Variants in ATP11B observed in about 807,000 individuals in gnomAD.
The protein encoded by ATP11B is phospholipid-transporting ATPase IF.
Under a neutral mutation model 157.8 loss-of-function variants are expected in ATP11B, and 81 were observed. That is an observed-to-expected ratio of 0.51 (90% confidence interval 0.43 to 0.62). The LOEUF is 0.62. Ranked by LOEUF, ATP11B falls within the 20% of genes least tolerant of loss-of-function variation. The pLI, the probability that ATP11B is intolerant of heterozygous loss-of-function variation, is 0.00. For synonymous variants in ATP11B, 451 were observed against 469.4 expected (o/e 0.96, Z 0.51); for missense variants, 1,165 against 1,402.2 (o/e 0.83, Z 2.70).
intron 12 of ATP11B, among the ~76,000 whole-genome samples, chr3:182,860,064 C>G (rs1373119095): frequency 6.6e-6 from 1 of 151,958 alleles, no homozygotes; most frequent in Non-Finnish European, 1.5e-5. Context: ...CTTCACTTTA[C>G]CATCACCCTG....
chr3:182,848,583 A>G (rs375232676), intron 10 of ATP11B, 26 bp downstream of exon 10: 10 of 1,326,152 alleles, frequency 7.5e-6, no homozygotes, highest in South Asian at 3.1e-5. Flanking sequence ...TCATTTATTT[A>G]TATGTAATTA....
intron 1 of ATP11B, among the ~76,000 whole-genome samples, chr3:182,815,315 T>C (rs73883903): frequency 0.035 from 5,298 of 152,300 alleles, 316 homozygotes; most frequent in African/African-American, 0.12. Context: ...CTTAGTCTGG[T>C]CTGTTAACAG....
At chr3:182,907,843 C>CTTTA (rs1724482297) in intron 28 of ATP11B, among the ~76,000 whole-genome samples, 1 of 152,186 alleles carries the variant, frequency 6.6e-6, no homozygotes, top group Non-Finnish European at 1.5e-5. Flanking sequence ...TACTGCTTTG[C>CTTTA]TTTAATATGT....
rs1436920379 is a variant in ATP11B at position 182,841,986 on chromosome 3, A to AC, written c.657-89_657-88insC. Reference sequence around the variant, plus strand: ...AGAGCAAGACTCGTCTCAAAAAAAAAAAAAAAAAAAACAAAGGATGGTGCA... The same window carrying AC: ...AGAGCAAGACTCGTCTCAAAAAAAAACAAAAAAAAAAACAAAGGATGGTGCA... On this transcript the variant is annotated intron_variant, in intron 7 of 29. Transcript: ENST00000323116. 1.0e-3 allele frequency: 858 copies of AC among 838,176 alleles called. 2 individuals carry two copies. Among genetic ancestry groups the AC allele is most frequent in the Non-Finnish European group, 1.4e-3 (742 of 536,504 alleles). 51.9% of individuals were successfully genotyped at this position (838,176 alleles called of 1,614,324 possible). A position where few individuals can be genotyped will look rare whatever the true frequency, so the allele number is the denominator to read the frequency against.
rs36119278 is a variant in ATP11B at position 182,889,491 on chromosome 3, C to CT, written c.2931dup (p.Gly978TrpfsTer110). ...TGGGCTTCAGTCATGCCTTTATTTT[C>CT]TTTTTTGGATCCTATTTACTAATAG... On this transcript the variant is annotated frameshift_variant, in exon 25 of 30. Coordinates refer to ENST00000323116, the MANE Select transcript of ATP11B (RefSeq NM_014616.3). LOFTEE classifies it high-confidence loss of function. 6.4e-7 allele frequency: 1 copy of CT among 1,570,442 alleles called. No individual in the cohort carries two copies. Among genetic ancestry groups the CT allele is most frequent in the Non-Finnish European group, 8.6e-7 (1 of 1,165,208 alleles).
intron 28 of ATP11B, among the ~76,000 whole-genome samples, chr3:182,909,436 G>T (rs1268392947): frequency 6.6e-6 from 1 of 152,126 alleles, no homozygotes; most frequent in African/African-American, 2.4e-5. Flanking sequence ...GGTACCACTA[G>T]GTGGGGTCTC....
At chr3:182,847,819 G>A (rs1361613330) in intron 9 of ATP11B, among the ~76,000 whole-genome samples, 1 of 152,216 alleles carries the variant, frequency 6.6e-6, no homozygotes, top group African/African-American at 2.4e-5. Flanking sequence ...ATAAGTGGCA[G>A]AGCTAGAATT....
chr3:182,828,191 T>A lies in ATP11B; in HGVS notation c.216T>A (p.Leu72=). The A allele has an allele frequency of 1.3e-6, 2 of 1,492,064 alleles. No homozygotes were observed. Among genetic ancestry groups the A allele is most frequent in the Non-Finnish European group, 1.8e-6 (2 of 1,103,092 alleles). 92.4% of individuals were successfully genotyped at this position (1,492,064 alleles called of 1,614,324 possible). The part of the protein sequence containing the change: ...QFRRVANFYF[L]IIFLVQLMID... ...GAAGAGTGGCAAACTTTTATTTTCT[T>A]ATTATATTTTTGGTTCAGGTAAGCT... The change falls in exon 3 of 30, where the codon CTT becomes CTA. Residue 72 remains leucine, a synonymous_variant. Coordinates refer to ENST00000323116, the MANE Select transcript of ATP11B (RefSeq NM_014616.3).
chr3:182,869,435 G>A (rs950706911), intron 17 of ATP11B, 104 bp downstream of exon 17: 8 of 775,954 alleles, frequency 1.0e-5, no homozygotes, highest in Admixed American at 3.0e-5. Flanking sequence ...ACATTCTGCA[G>A]TTGTGTTACA....
chr3:182,851,384 A>G (rs1719967226), intron 10 of ATP11B, among the ~76,000 whole-genome samples: 1 of 152,146 alleles, frequency 6.6e-6, no homozygotes, highest in Non-Finnish European at 1.5e-5. Flanking sequence ...CATTGCCTTC[A>G]GCTCACATCT....
At chr3:182,914,622 T>C (rs1725021417) in intron 29 of ATP11B, 5 of 985,272 alleles carry the variant, frequency 5.1e-6, no homozygotes, top group African/African-American at 1.7e-5. Context: ...TTTTAAATTA[T>C]GGAGTAAAAG....
At chr3:182,836,007 T>C in intron 4 of ATP11B, 28 bp from the exon 5 acceptor site, 1 of 1,551,362 alleles carries the variant, frequency 6.4e-7, no homozygotes, top group Non-Finnish European at 8.7e-7. Context: ...TACTGAAAAA[T>C]TATTTTTTAC....
At chr3:182,851,567 A>G (rs1302552301) in intron 10 of ATP11B, among the ~76,000 whole-genome samples, 1 of 152,238 alleles carries the variant, frequency 6.6e-6, no homozygotes, top group Non-Finnish European at 1.5e-5. Context: ...CTTACATTTT[A>G]CATGAAATAA....
intron 24 of ATP11B, among the ~76,000 whole-genome samples, chr3:182,888,185 G>C (rs1234941822): frequency 6.6e-6 from 1 of 152,188 alleles, no homozygotes. Flanking sequence ...ATTGGGACCT[G>C]TTCCTCAGGA....
chr3:182,895,948 C>T (rs980678168), intron 25 of ATP11B, among the ~76,000 whole-genome samples: 5 of 152,042 alleles, frequency 3.3e-5, no homozygotes, highest in African/African-American at 4.8e-5. Flanking sequence ...TCTCATGTCC[C>T]GAACCCCCGT....
At chr3:182,877,719 TAA>T (rs1722142985) in intron 19 of ATP11B, among the ~76,000 whole-genome samples, 1 of 151,906 alleles carries the variant, frequency 6.6e-6, no homozygotes, top group Non-Finnish European at 1.5e-5. Flanking sequence ...TTCAAGGAAA[TAA>T]TTATAAAGTA....
chr3:182,896,895 A>G, intron 26 of ATP11B, 130 bp downstream of exon 26: 1 of 685,954 alleles, frequency 1.5e-6, no homozygotes, highest in South Asian at 2.1e-5. Flanking sequence ...TTCACTGGTT[A>G]CTATTTTAAT....
intron 20 of ATP11B, 107 bp downstream of exon 20, chr3:182,879,756 A>C: frequency 3.9e-6 from 4 of 1,034,418 alleles, no homozygotes; most frequent in Non-Finnish European, 5.3e-6. Flanking sequence ...CAATATATAC[A>C]TTTTGCTAGG....
chr3:182,911,582 G>T (rs1280099308), intron 28 of ATP11B, among the ~76,000 whole-genome samples: 1 of 152,068 alleles, frequency 6.6e-6, no homozygotes, highest in Non-Finnish European at 1.5e-5. Context: ...AGTTTTCAGT[G>T]AGACAATCCA....
Sources: gnomAD v4.1 joint callset for allele counts (sites outside exome capture counted in the v4.1 genomes callset) on GRCh38, gnomAD v4.1.1 for gene constraint, MANE v1.5 for transcripts, NCBI Gene and HGNC (gene_info 2026-07-23, HGNC 2026-07-21) for gene names.